Variants in ARHGEF1 observed in about 807,000 individuals in gnomAD.
ARHGEF1 encodes the protein Rho guanine nucleotide exchange factor 1, also known as 115 kDa guanine nucleotide exchange factor.
Under a neutral mutation model 119.7 loss-of-function variants are expected in ARHGEF1, and 40 were observed. The observed-to-expected ratio is 0.33, with a 90% CI of 0.26 to 0.44. The LOEUF (loss-of-function observed/expected upper bound fraction) is 0.44. Among genes scored for constraint, ARHGEF1 ranks in the 20% least tolerant of loss-of-function variants. ARHGEF1 has a pLI of 1.00. For missense variants in ARHGEF1, 976 were observed against 1,268.3 expected, an observed-to-expected ratio of 0.77 and a Z score of 3.50; for synonymous variants, 494 against 521.0, an observed-to-expected ratio of 0.95 and a Z score of 0.71.
Position 41,903,507 on chromosome 19 carries a change from C to A in ARHGEF1, c.1839+100C>A. 1.7e-6 allele frequency: 2 copies of A among 1,206,566 alleles called. No homozygotes were observed. The highest frequency in any genetic ancestry group is 2.3e-6 in the Non-Finnish European group (2 of 864,114). The allele number at this position is 1,206,566 out of a possible 1,614,324, so 74.7% of individuals were successfully genotyped here. A position where few individuals can be genotyped will look rare whatever the true frequency, so the allele number is the denominator to read the frequency against. On this transcript the variant is annotated intron_variant, in intron 19 of 28. Transcript: ENST00000354532. This position sits in a 1 kb window ranked among gnomAD's most constrained non-coding sequence, Gnocchi z 4.2. ...CCAGAAGTCACACCCCACCCCTTGG[C>A]TTGTCTCCCTCAAGGGTCACTGTGT...
chr19:41,908,403 G>T, downstream of ARHGEF1: 1 of 1,231,246 alleles, frequency 8.1e-7, no homozygotes, highest in Non-Finnish European at 1.0e-6. The surrounding 1 kb of genome is among the most constrained non-coding windows in gnomAD (Gnocchi z 6.7). Context: ...CGCCAGGCGA[G>T]GGGCCGCTGC....
At chr19:41,898,971 A>G (rs2074556300) in intron 14 of ARHGEF1, among the ~76,000 whole-genome samples, 1 of 152,130 alleles carries the variant, frequency 6.6e-6, no homozygotes, top group Admixed American at 6.5e-5. Flanking sequence ...GGCACAGAGG[A>G]AGAGCATTTT....
chr19:41,906,559 C>T lies in ARHGEF1; in HGVS notation c.2594C>T (p.Ala865Val). The T allele has an allele frequency of 6.2e-7, 1 of 1,600,214 alleles. No individual in the cohort carries two copies. Among genetic ancestry groups the T allele is most frequent in the East Asian group, 2.2e-5 (1 of 44,604 alleles). The change falls in exon 27 of 29, where the codon GCA (alanine) becomes GTA (valine). Residue 865 changes from alanine (A) to valine (V), a missense_variant. Ala to Val is a moderately conservative substitution (Grantham distance 64). Transcript: ENST00000354532. The surrounding 1 kb of genome is among the most constrained non-coding windows in gnomAD (Gnocchi z 4.5). ...GVPGGGPLSP[A>V]RTQEIQENLL... ...CCAGGGGGCGGCCCCCTGAGCCCAG[C>T]ACGGACCCAGGAAATCCAGGAGAAC...
chr19:41,907,709 C>G, downstream of ARHGEF1: 1 of 293,272 alleles, frequency 3.4e-6, no homozygotes, highest in South Asian at 7.7e-5. Flanking sequence ...CCGAGTCTCA[C>G]TCTCTGTTCT....
In ARHGEF1 at chr19:41,896,791, C is replaced by CT. The variant is rs1555847788; in HGVS notation, c.1121+309_1121+310insT. 4.9e-3 allele frequency: 2,377 copies of CT among 488,654 alleles called. 103 individuals are homozygous for CT. Among genetic ancestry groups the CT allele is most frequent in the African/African-American group, 0.048 (1,920 of 40,298 alleles). The allele number at this position is 488,654 out of a possible 1,614,324, so 30.3% of individuals were successfully genotyped here. On this transcript the variant is annotated intron_variant, in intron 13 of 28. Coordinates refer to ENST00000354532, the MANE Select transcript of ARHGEF1 (RefSeq NM_004706.4). ...ACTCCTTCCATCTCCTTTATTTCCC[C>CT]CTCCTCTCTCACCTCCCCTCTCCTC... is the stretch of plus-strand genomic sequence containing the variant.
intron 8 of ARHGEF1, 137 bp from the exon 9 acceptor site, chr19:41,894,070 T>C: frequency 3.9e-6 from 2 of 508,846 alleles, no homozygotes; most frequent in South Asian, 4.8e-5. Flanking sequence ...AGGAAGTAGT[T>C]GTGGGGTCAG....
chr19:41,907,952 G>A (rs1463817974), downstream of ARHGEF1: 3 of 369,928 alleles, frequency 8.1e-6, no homozygotes, highest in Admixed American at 9.2e-5. Context: ...GGGGCAGGCT[G>A]GGCGCCATAT....
Position 41,906,392 on chromosome 19 carries a change from C to A in ARHGEF1, c.2492-65C>A. 6.8e-7 allele frequency: 1 copy of A among 1,474,670 alleles called. No homozygotes were observed. Among genetic ancestry groups the A allele is most frequent in the African/African-American group, 1.4e-5 (1 of 70,772 alleles). 91.3% of individuals were successfully genotyped at this position (1,474,670 alleles called of 1,614,324 possible). A position where few individuals can be genotyped will look rare whatever the true frequency, so the allele number is the denominator to read the frequency against. The stretch of plus-strand genomic sequence containing the variant: ...GCCCCTACACATCCCCTTTGGAATC[C>A]CCCATCCCAGATCCCAGCCCAGCCC... On this transcript the variant is annotated intron_variant, in intron 26 of 28. Transcript: ENST00000354532. This position sits in a 1 kb window ranked among gnomAD's most constrained non-coding sequence, Gnocchi z 4.5.
At chr19:41,921,441 T>C (rs1487713427), upstream of ARHGEF1, among the ~76,000 whole-genome samples, 1 of 151,066 alleles carries the variant, frequency 6.6e-6, no homozygotes, top group African/African-American at 2.4e-5. The surrounding 1 kb of genome is among the most constrained non-coding windows in gnomAD (Gnocchi z 4.4). Flanking sequence ...CAAGGACAGG[T>C]CCCACAGAAA....
At chr19:41,910,789 GAC>G (rs1293916556), downstream of ARHGEF1, among the ~76,000 whole-genome samples, 25 of 152,250 alleles carry the variant, frequency 1.6e-4, 1 homozygote, top group African/African-American at 5.5e-4. The surrounding 1 kb of genome is among the most constrained non-coding windows in gnomAD (Gnocchi z 4.4). Context: ...ACTTGCCTGA[GAC>G]ACACAGCCAC....
Position 41,888,428 on chromosome 19 carries a change from A to G in ARHGEF1, c.111+150A>G, listed in dbSNP as rs1311573955. On this transcript the variant is annotated intron_variant, in intron 3 of 28. Transcript: ENST00000354532. This position sits in a 1 kb window ranked among gnomAD's most constrained non-coding sequence, Gnocchi z 5.1. Reference sequence around the variant, plus strand: ...TGGTACCTCCTTCCTCACCTCGCCGACCCCACACAGCAGCATAGACGCCCA... The same window carrying G: ...TGGTACCTCCTTCCTCACCTCGCCGGCCCCACACAGCAGCATAGACGCCCA... The G allele has an allele frequency of 4.0e-6, 3 of 758,716 alleles. No homozygotes were observed. The highest frequency in any genetic ancestry group is 1.8e-5 in the African/African-American group (1 of 56,166). The allele number at this position is 758,716 out of a possible 1,614,324, so 47.0% of individuals were successfully genotyped here. A position where few individuals can be genotyped will look rare whatever the true frequency, so the allele number is the denominator to read the frequency against.
At chr19:41,899,118 G>C (rs989320867) in intron 14 of ARHGEF1, among the ~76,000 whole-genome samples, 2 of 151,862 alleles carry the variant, frequency 1.3e-5, no homozygotes, top group African/African-American at 2.4e-5. Flanking sequence ...TCAGCCTCCC[G>C]AGTAGCTGAA....
chr19:41,918,720 TACACACC>T (rs1555852155), upstream of ARHGEF1, among the ~76,000 whole-genome samples: 1 of 123,274 alleles, frequency 8.1e-6, no homozygotes, highest in African/African-American at 3.2e-5. Flanking sequence ...ACACACCACG[TACACACC>T]ACACACCACC....
intron 4 of ARHGEF1, among the ~76,000 whole-genome samples, chr19:41,891,499 G>C (rs1215479076): frequency 6.6e-6 from 1 of 152,134 alleles, no homozygotes; most frequent in Non-Finnish European, 1.5e-5. Flanking sequence ...GGCCTGGCCG[G>C]TCACAAATTC....
Position 41,906,871 on chromosome 19 carries a change from C to T in ARHGEF1, c.*17+68C>T. The T allele has an allele frequency of 8.0e-7, 1 of 1,242,904 alleles. No homozygotes were observed. Among genetic ancestry groups the T allele is most frequent in the Non-Finnish European group, 1.1e-6 (1 of 895,500 alleles). The allele number at this position is 1,242,904 out of a possible 1,614,324, so 77.0% of individuals were successfully genotyped here. Reference sequence around the variant, plus strand: ...GGGTCCCCCTCCAGAGCTCGCATCCCTACAGCCCCTTCTGTCCATCTCCCT... The same window carrying T: ...GGGTCCCCCTCCAGAGCTCGCATCCTTACAGCCCCTTCTGTCCATCTCCCT... On this transcript the variant is annotated intron_variant, in intron 28 of 28. Coordinates refer to ENST00000354532, the MANE Select transcript of ARHGEF1 (RefSeq NM_004706.4). This position sits in a 1 kb window ranked among gnomAD's most constrained non-coding sequence, Gnocchi z 4.5.
At chr19:41,926,009 C>T (rs774541086) in intron 1 of ARHGEF1, among the ~76,000 whole-genome samples, 42 of 151,644 alleles carry the variant, frequency 2.8e-4, no homozygotes, top group South Asian at 8.3e-4. Flanking sequence ...TGTGGTGACT[C>T]GGTACTGCTT....
rs2074786664 is a variant in ARHGEF1 at position 41,914,823 on chromosome 19, TCCCCCCCTTTCCA to T, written c.1865+8023_1865+8035del. Among the ~76,000 whole-genome samples the T allele has an allele frequency of 5.2e-4, 6 of 11,612 alleles. 1 individual carries two copies. Among genetic ancestry groups the T allele is most frequent in the Admixed American group, 1.8e-3 (2 of 1,126 alleles). 7.6% of individuals were successfully genotyped at this position (11,612 alleles called of 152,430 possible). On this transcript the variant is annotated intron_variant, in intron 18 of 20. Coordinates refer to the ARHGEF1 transcript ENST00000599589. ...TCTCTCCCTCCCCCTCCACCGTGTCTCCCCCCCTTTCCACCGTCTCTGTCTCTCCCCCCCTCCA... is the reference window on the plus strand; with the variant it reads ...TCTCTCCCTCCCCCTCCACCGTGTCTCCGTCTCTGTCTCTCCCCCCCTCCA...
chr19:41,918,184 C>T (rs73550639), upstream of ARHGEF1, among the ~76,000 whole-genome samples: 36,021 of 151,462 alleles, frequency 0.24, 8,724 homozygotes, highest in African/African-American at 0.63. Context: ...CTGGGGTGTA[C>T]ACATACCCCA....
chr19:41,887,237 TTC>T (rs1555845358), intron 1 of ARHGEF1, among the ~76,000 whole-genome samples: 1 of 151,624 alleles, frequency 6.6e-6, no homozygotes, highest in African/African-American at 2.4e-5. Context: ...AATGAGACAG[TTC>T]TGGAGGAAGG....
Sources: allele counts gnomAD v4.1 joint callset (sites outside exome capture counted in the v4.1 genomes callset), GRCh38; gene constraint gnomAD v4.1.1; non-coding constraint Gnocchi (gnomAD v3.1); transcripts MANE v1.5; gene names NCBI Gene and HGNC (gene_info 2026-07-23, HGNC 2026-07-21).